Variants in CFAP47 observed in about 807,000 individuals in gnomAD.
CFAP47 encodes cilia- and flagella-associated protein 47.
CFAP47 carries 29 observed loss-of-function variants against 148.1 expected under a neutral mutation model. That is an observed-to-expected ratio of 0.20 (90% CI 0.15 to 0.27). The LOEUF is 0.27. Among genes scored for constraint, CFAP47 ranks in the 10% least tolerant of loss-of-function variants. CFAP47 has a pLI of 1.00. For missense variants in CFAP47, 1,872 were observed against 1,697.5 expected, an observed-to-expected ratio of 1.10 and a Z score of -1.81; for synonymous variants, 664 against 577.3, an observed-to-expected ratio of 1.15 and a Z score of -2.15.
At chrX:36,104,997 T>C (rs888468816) in intron 33 of CFAP47, among the ~76,000 whole-genome samples, 2 of 111,922 alleles carry the variant, frequency 1.8e-5, no homozygotes, top group East Asian at 5.6e-4. Flanking sequence ...GTATAGAGTA[T>C]TAAATATATA....
intron 22 of CFAP47, among the ~76,000 whole-genome samples, chrX:36,030,392 C>T (rs1047891820): frequency 9.0e-6 from 1 of 111,013 alleles, no homozygotes; most frequent in Non-Finnish European, 1.9e-5. Flanking sequence ...TTCCTAGATG[C>T]CAATTTGTAA....
chrX:35,995,654 T>C (rs1273241308), intron 18 of CFAP47, among the ~76,000 whole-genome samples: 1 of 111,163 alleles, frequency 9.0e-6, no homozygotes, highest in South Asian at 3.8e-4. Flanking sequence ...TTTGCTTGAA[T>C]TGGAGGCATC....
chrX:35,978,879 A>T (rs1936604593), intron 15 of CFAP47, among the ~76,000 whole-genome samples: 1 of 112,096 alleles, frequency 8.9e-6, no homozygotes, highest in African/African-American at 3.2e-5. Context: ...ATTAAAATTT[A>T]TATTGTCTTT....
At chrX:36,106,734 A>G (rs1938472028) in intron 33 of CFAP47, among the ~76,000 whole-genome samples, 1 of 112,137 alleles carries the variant, frequency 8.9e-6, no homozygotes, top group African/African-American at 3.2e-5. Context: ...AAAAGGCTAC[A>G]TACTGTGCGG....
chrX:36,214,327 G>A (rs1940135640), intron 45 of CFAP47, among the ~76,000 whole-genome samples: 1 of 111,754 alleles, frequency 8.9e-6, no homozygotes, highest in Non-Finnish European at 1.9e-5. Flanking sequence ...CTATAGGACT[G>A]GAAATTGCTC....
At chrX:35,927,554 A>T (rs2146616348) in intron 2 of CFAP47, among the ~76,000 whole-genome samples, 1 of 110,566 alleles carries the variant, frequency 9.0e-6, no homozygotes, top group African/African-American at 3.3e-5. Context: ...ATATAAGAAG[A>T]GCACTGCCCT....
At position 35,951,103 on chromosome X, in the gene CFAP47, T is replaced by C. The variant is rs180812512; in HGVS notation, c.657-28T>C. ...TATAGAATTCTAATTAAAATATGTA[T>C]GTATGTGCATATCTTATTATCCTGT... On this transcript the variant is annotated intron_variant, in intron 4 of 63. Transcript: ENST00000378653. 3.6e-5 allele frequency: 36 copies of C among 1,007,497 alleles called. No individual in the cohort carries two copies. The African/African-American group carries it at 6.4e-4, about 18-fold the overall frequency. The allele number at this position is 1,007,497 out of a possible 1,213,427, so 83.0% of individuals were successfully genotyped here.
At chrX:36,271,968 C>T (rs782067735) in intron 49 of CFAP47, among the ~76,000 whole-genome samples, 1 of 111,610 alleles carries the variant, frequency 9.0e-6, no homozygotes, top group East Asian at 2.8e-4. Flanking sequence ...AAAATTCATC[C>T]TGTTTGAGTC....
At chrX:35,924,296 TACAC>T in intron 1 of CFAP47, among the ~76,000 whole-genome samples, 1 of 102,015 alleles carries the variant, frequency 9.8e-6, no homozygotes, top group African/African-American at 4.2e-5. Context: ...CATGTATGTG[TACAC>T]ATATGTATAT....
intron 1 of CFAP47, among the ~76,000 whole-genome samples, chrX:35,921,512 C>T (rs769081132): frequency 8.9e-6 from 1 of 111,767 alleles, no homozygotes; most frequent in Admixed American, 9.5e-5. Flanking sequence ...TGGACAACCA[C>T]TATTTTATGG....
At position 36,280,623 on chromosome X, in the gene CFAP47, A is replaced by G. The variant is rs1941068497; in HGVS notation, c.7581A>G (p.Ala2527=). The G allele has an allele frequency of 2.1e-6, 1 of 475,082 alleles. No individual in the cohort carries two copies. Among genetic ancestry groups the G allele is most frequent in the Non-Finnish European group, 3.7e-6 (1 of 267,795 alleles). 39.2% of individuals were successfully genotyped at this position (475,082 alleles called of 1,213,427 possible). ...AACAATCTAGCATTTTGGATGATGC[A>G]GACACATGTAAGTTTATTATGACAG... is the stretch of plus-strand genomic sequence containing the variant. The part of the protein sequence containing the change: ...ITEQSSILDD[A]DTYGNFNNLR... Residue 2527 remains alanine (A), a synonymous_variant, in exon 50 of 64, where the codon GCA becomes GCG. Transcript: ENST00000378653.
intron 2 of CFAP47, among the ~76,000 whole-genome samples, chrX:35,937,797 T>C (rs1935940424): frequency 9.0e-6 from 1 of 111,539 alleles, no homozygotes; most frequent in Non-Finnish European, 1.9e-5. Flanking sequence ...TTATTTTTAC[T>C]TCAGAGTTTC....
intron 2 of CFAP47, among the ~76,000 whole-genome samples, chrX:35,929,580 A>G (rs765119617): frequency 1.8e-5 from 2 of 111,751 alleles, no homozygotes; most frequent in South Asian, 3.8e-4. Flanking sequence ...TCTTATATGT[A>G]GATAATCGTG....
At chrX:36,146,698 C>G (rs886319987) in intron 36 of CFAP47, among the ~76,000 whole-genome samples, 4 of 111,241 alleles carry the variant, frequency 3.6e-5, no homozygotes, top group Non-Finnish European at 7.5e-5. Flanking sequence ...GAAAGTCGTT[C>G]TTACCACCAA....
At chrX:35,985,836 C>T (rs1459852325) in intron 15 of CFAP47, 5 of 243,416 alleles carry the variant, frequency 2.1e-5, no homozygotes, top group Non-Finnish European at 4.0e-5. Context: ...TGTGGCAGTC[C>T]CCATGCCAAA....
chrX:35,922,022 T>G (rs1601873704), intron 1 of CFAP47, among the ~76,000 whole-genome samples: 1 of 111,331 alleles, frequency 9.0e-6, no homozygotes, highest in South Asian at 3.8e-4. Context: ...ATAGTACTAT[T>G]ACTGATTTTC....
chrX:36,046,821 G>A lies in CFAP47; in HGVS notation c.4008-33G>A, dbSNP rs1251618048. ...AAAGCCAATGACTGGCAGGTATTTTGAGCTAATGAAACATTTTTTTTATTT... is the reference window on the plus strand; with the variant it reads ...AAAGCCAATGACTGGCAGGTATTTTAAGCTAATGAAACATTTTTTTTATTT... On this transcript the variant is annotated intron_variant, in intron 25 of 63. Coordinates refer to ENST00000378653, the MANE Select transcript of CFAP47 (RefSeq NM_001304548.2). The A allele has an allele frequency of 3.0e-6, 3 of 985,392 alleles. No individual in the cohort carries two copies. The South Asian group carries it at 7.5e-5, about 25-fold the overall frequency. The allele number at this position is 985,392 out of a possible 1,213,427, so 81.2% of individuals were successfully genotyped here. A position where few individuals can be genotyped will look rare whatever the true frequency, so the allele number is the denominator to read the frequency against.
chrX:36,323,894 C>A (rs1941497370), intron 57 of CFAP47, among the ~76,000 whole-genome samples: 1 of 111,172 alleles, frequency 9.0e-6, no homozygotes, highest in Non-Finnish European at 1.9e-5. Flanking sequence ...TTCCTTTAAG[C>A]AAATATATAT....
chrX:36,099,803 C>G lies in CFAP47; in HGVS notation c.5051C>G (p.Ser1684Cys), dbSNP rs1024478484. 3.3e-5 allele frequency: 29 copies of G among 887,626 alleles called. No homozygotes were observed. The highest frequency in any genetic ancestry group is 4.5e-5 in the Non-Finnish European group (27 of 603,548). 73.2% of individuals were successfully genotyped at this position (887,626 alleles called of 1,213,427 possible). A position where few individuals can be genotyped will look rare whatever the true frequency, so the allele number is the denominator to read the frequency against. ...TCCTGTACACCTAAGAAAAAATGTT[C>G]TATTGTTATAGAAATGTCTAAATTT... ...VSSCTPKKKC[S>C]IVIEMSKFEA... Residue 1684 changes from serine to cysteine, a missense_variant, in exon 32 of 64, where the codon TCT becomes TGT. By Grantham distance (112) the Ser-to-Cys change is moderately radical (BLOSUM62 -1). Coordinates refer to ENST00000378653, the MANE Select transcript of CFAP47 (RefSeq NM_001304548.2).
Sources: allele counts gnomAD v4.1 joint callset (sites outside exome capture counted in the v4.1 genomes callset), GRCh38; gene constraint gnomAD v4.1.1; transcripts MANE v1.5; gene names NCBI Gene and HGNC (gene_info 2026-07-23, HGNC 2026-07-21).